The following CAPN14 variants were observed in gnomAD, a reference collection of about 807,000 sequenced individuals.
The protein encoded by CAPN14 is calpain-14.
CAPN14 carries 94 observed loss-of-function variants against 101.3 expected under a neutral mutation model. The ratio of observed to expected loss-of-function variants is 0.93; its 90% CI spans 0.79 to 1.10. The LOEUF is 1.10. Ranked by LOEUF, CAPN14 falls within the 50% of genes least tolerant of loss-of-function variation. The pLI, the probability that CAPN14 is intolerant of heterozygous loss-of-function variation, is 0.00. For missense variants in CAPN14, 837 were observed against 828.4 expected, an observed-to-expected ratio of 1.01 and a Z score of -0.13; for synonymous variants, 338 against 317.9, an observed-to-expected ratio of 1.06 and a Z score of -0.67.
In CAPN14 at chr2:31,202,204, T is replaced by C. The variant is rs1242946447; in HGVS notation, c.344A>G (p.Asp115Gly). The change falls in exon 4 of 22, where the codon GAC becomes GGC. Residue 115 changes from aspartate to glycine, a missense_variant. Coordinates refer to ENST00000403897, the MANE Select transcript of CAPN14 (RefSeq NM_001145122.2). The stretch of plus-strand genomic sequence containing the variant: ...CAGGGGAACAACCCGGCTCAGGATG[T>C]CCTGGTGCAAGGCCAGAGCTTGCAA... ...AALQALALHQ[D>G]ILSRVVPLNQ... is the part of the protein sequence containing the mutation. The C allele has an allele frequency of 3.3e-5, 51 of 1,551,622 alleles. No individual in the cohort carries two copies. Among genetic ancestry groups the C allele is most frequent in the Non-Finnish European group, 4.3e-5 (49 of 1,147,014 alleles).
chr2:31,189,749 T>G (rs1202598834), intron 12 of CAPN14: 1 of 535,852 alleles, frequency 1.9e-6, no homozygotes, highest in Non-Finnish European at 3.6e-6. Context: ...CACTAAATGA[T>G]GTGAGGAATG....
At chr2:31,231,429 T>C (rs145701346) in intron 1 of CAPN14, among the ~76,000 whole-genome samples, 56 of 152,362 alleles carry the variant, frequency 3.7e-4, no homozygotes, top group African/African-American at 1.3e-3. Context: ...TTTTATTATT[T>C]TTCACATAAA....
chr2:31,194,064 A>AC (rs758937806), intron 9 of CAPN14, among the ~76,000 whole-genome samples: 32 of 152,190 alleles, frequency 2.1e-4, no homozygotes, highest in Non-Finnish European at 4.0e-4. Flanking sequence ...CTATGACAAG[A>AC]CTTTGCAGTC....
At position 31,217,451 on chromosome 2, in the gene CAPN14, T is replaced by C. The variant is rs1337551449; in HGVS notation, c.-53+5A>G. ...GGACCCACCCTTGGAACTAAAGAAATTTACCTGCACAGGAGATTTTGCTTC... is the reference window on the plus strand; with the variant it reads ...GGACCCACCCTTGGAACTAAAGAAACTTACCTGCACAGGAGATTTTGCTTC... On this transcript the variant is annotated splice_donor_5th_base_variant and intron_variant, in intron 1 of 21. Coordinates refer to ENST00000403897, the MANE Select transcript of CAPN14 (RefSeq NM_001145122.2). 1 of 152,124 alleles carries C rather than the reference T, an allele frequency of 6.6e-6. No homozygotes were observed. 9.4% of individuals were successfully genotyped at this position (152,124 alleles called of 1,614,324 possible). A position where few individuals can be genotyped will look rare whatever the true frequency, so the allele number is the denominator to read the frequency against.
intron 16 of CAPN14, among the ~76,000 whole-genome samples, chr2:31,186,001 C>A (rs1009478967): frequency 6.6e-6 from 1 of 152,262 alleles, no homozygotes; most frequent in East Asian, 1.9e-4. Flanking sequence ...CTCTCTCCTT[C>A]CAGAGTTTTG....
rs982527798 is a variant in CAPN14 at position 31,186,633 on chromosome 2, C to T, written c.1588-148G>A. The T allele has an allele frequency of 5.1e-5, 28 of 551,810 alleles. No homozygotes were observed. The African/African-American group carries it at 5.1e-4, about 10-fold the overall frequency. The allele number at this position is 551,810 out of a possible 1,614,324, so 34.2% of individuals were successfully genotyped here. A position where few individuals can be genotyped will look rare whatever the true frequency, so the allele number is the denominator to read the frequency against. ...TTAACTGGGTGCCAACCCCAGAGAA[C>T]CCTGGCAGGGCATGACTTTCAAGAA... On this transcript the variant is annotated intron_variant, in intron 15 of 21. Coordinates refer to ENST00000403897, the MANE Select transcript of CAPN14 (RefSeq NM_001145122.2).
At chr2:31,186,548 G>C (rs1680908261) in intron 15 of CAPN14, 63 bp from the exon 16 acceptor site, 2 of 1,233,054 alleles carry the variant, frequency 1.6e-6, no homozygotes, top group Non-Finnish European at 2.3e-6. Context: ...AGATGGCAGA[G>C]GGGTCATATG....
intron 5 of CAPN14, 142 bp from the exon 6 acceptor site, chr2:31,200,767 C>T (rs1681718240): frequency 1.3e-6 from 1 of 745,016 alleles, no homozygotes; most frequent in South Asian, 2.0e-5. Flanking sequence ...ACATAGTTTC[C>T]AATACCATAC....
rs1010103178 is a variant in CAPN14 at position 31,191,379 on chromosome 2, C to A, written c.1287+20G>T. 1 of 1,541,262 alleles carries A rather than the reference C, an allele frequency of 6.5e-7. No individual in the cohort carries two copies. The highest frequency in any genetic ancestry group is 8.7e-7 in the Non-Finnish European group (1 of 1,144,694). ...GATGTCACCCCAAACTAGGGCCACC[C>A]GGTCAAGTGCAGAACTCACCTTGTT... On this transcript the variant is annotated intron_variant, in intron 12 of 21. Coordinates refer to ENST00000403897, the MANE Select transcript of CAPN14 (RefSeq NM_001145122.2).
intron 10 of CAPN14, 105 bp downstream of exon 10, chr2:31,193,026 C>T: frequency 8.7e-6 from 10 of 1,146,962 alleles, no homozygotes; most frequent in Non-Finnish European, 1.2e-5. Context: ...AGCCTCCTCC[C>T]CACTCAGCCA....
At chr2:31,215,469 T>TA (rs1365554688) in intron 1 of CAPN14, among the ~76,000 whole-genome samples, 3 of 152,050 alleles carry the variant, frequency 2.0e-5, no homozygotes, top group African/African-American at 7.3e-5. Flanking sequence ...TTAGTTCCTT[T>TA]CTGTGTACAC....
chr2:31,177,185 C>A, intron 19 of CAPN14, 43 bp from the exon 20 acceptor site: 2 of 1,376,374 alleles, frequency 1.5e-6, no homozygotes, highest in Non-Finnish European at 2.0e-6. Flanking sequence ...TGGGGGCTTG[C>A]ACCCAGCTCC....
chr2:31,181,188 G>T (rs1680577717), intron 16 of CAPN14, among the ~76,000 whole-genome samples, 188 bp from the exon 17 acceptor site: 1 of 152,156 alleles, frequency 6.6e-6, no homozygotes, highest in African/African-American at 2.4e-5. Context: ...CATGGAGAAA[G>T]TCAAATGCTA....
At chr2:31,197,737 A>C (rs958699514) in intron 7 of CAPN14, among the ~76,000 whole-genome samples, 1 of 152,190 alleles carries the variant, frequency 6.6e-6, no homozygotes, top group African/African-American at 2.4e-5. Flanking sequence ...AAATCCAAAG[A>C]CAAGTGTCAG....
chr2:31,177,112 A>T lies in CAPN14; in HGVS notation c.1886T>A (p.Leu629Gln), dbSNP rs1680339950. The T allele has an allele frequency of 6.4e-7, 1 of 1,551,282 alleles. No homozygotes were observed. The highest frequency in any genetic ancestry group is 8.7e-7 in the Non-Finnish European group (1 of 1,146,690). ...GIMLSDDVCQ[L>Q]MLIRYGGPRL... ...GGGGCCGCCGTAGCGGATGAGCATCAGCTGACAGACGTCATCACTGAGCAT... is the reference window on the plus strand; with the variant it reads ...GGGGCCGCCGTAGCGGATGAGCATCTGCTGACAGACGTCATCACTGAGCAT... The change falls in exon 20 of 22, where the codon CTG becomes CAG. Residue 629 changes from leucine (L) to glutamine (Q), a missense_variant. Physicochemically the swap from Leu to Gln is moderately radical, Grantham distance 113 (BLOSUM62 -2). Coordinates refer to ENST00000403897, the MANE Select transcript of CAPN14 (RefSeq NM_001145122.2).
intron 9 of CAPN14, among the ~76,000 whole-genome samples, chr2:31,193,923 G>A (rs939436502): frequency 5.9e-5 from 9 of 151,970 alleles, no homozygotes; most frequent in Non-Finnish European, 1.0e-4. Flanking sequence ...AGAACTGATG[G>A]GTCCATTTCA....
intron 21 of CAPN14, among the ~76,000 whole-genome samples, chr2:31,175,980 G>A (rs1351805946): frequency 6.6e-6 from 1 of 152,176 alleles, no homozygotes; most frequent in African/African-American, 2.4e-5. Flanking sequence ...ATTCTCCTAG[G>A]CATATCACTT....
intron 1 of CAPN14, among the ~76,000 whole-genome samples, chr2:31,209,521 C>T (rs1682283627): frequency 6.6e-6 from 1 of 152,160 alleles, no homozygotes; most frequent in Non-Finnish European, 1.5e-5. Flanking sequence ...GGGGATACAC[C>T]AGCCAGCAGC....
At chr2:31,218,989 T>C (rs72859378), upstream of CAPN14, among the ~76,000 whole-genome samples, 22 of 151,920 alleles carry the variant, frequency 1.4e-4, no homozygotes, top group Admixed American at 1.4e-3. Flanking sequence ...CTCCCAGACA[T>C]AACCTTTTCA....
Sources: gnomAD v4.1 joint callset for allele counts (sites outside exome capture counted in the v4.1 genomes callset) on GRCh38, gnomAD v4.1.1 for gene constraint, MANE v1.5 for transcripts, NCBI Gene and HGNC (gene_info 2026-07-23, HGNC 2026-07-21) for gene names.